Variants in PITX3 observed in about 807,000 individuals in gnomAD.
PITX3 encodes the protein paired like homeodomain 3.
Under a neutral mutation model 14.2 loss-of-function variants are expected in PITX3, and 4 were observed. The observed-to-expected ratio is 0.28, with a 90% CI of 0.14 to 0.65. PITX3 has a LOEUF of 0.65. PITX3 is among the 30% of genes least tolerant of loss of function. PITX3 has a pLI of 0.82. For synonymous variants in PITX3, 194 were observed against 204.5 expected (o/e 0.95, Z 0.44); for missense variants, 358 against 426.8 (o/e 0.84, Z 1.42).
intron 1 of PITX3, among the ~76,000 whole-genome samples, chr10:102,233,287 CTT>C (rs35753815): frequency 1.7e-4 from 23 of 132,182 alleles, no homozygotes; most frequent in South Asian, 1.6e-3. Flanking sequence ...CGACTTCTTT[CTT>C]TTTTTTTTTT....
In PITX3 at chr10:102,230,354, G is replaced by T; in HGVS notation, c.*160C>A. 1.8e-6 allele frequency: 2 copies of T among 1,130,220 alleles called. No homozygotes were observed. Among genetic ancestry groups the T allele is most frequent in the Admixed American group, 2.5e-5 (1 of 39,510 alleles). The allele number at this position is 1,130,220 out of a possible 1,614,324, so 70.0% of individuals were successfully genotyped here. ...GTGTAGGGCCTAGTCCACCCCTCAG[G>T]GCTGGGAGGGGAAGGCCCTCTCCTG... is the stretch of plus-strand genomic sequence containing the variant. On this transcript the variant is annotated 3_prime_UTR_variant, in exon 4 of 4. Coordinates refer to ENST00000370002, the MANE Select transcript of PITX3 (RefSeq NM_005029.4).
intron 1 of PITX3, among the ~76,000 whole-genome samples, chr10:102,236,136 C>T (rs553740022): frequency 6.6e-6 from 1 of 152,262 alleles, no homozygotes; most frequent in Non-Finnish European, 1.5e-5. Context: ...GCTGGTCAGG[C>T]AAAGGCTGGG....
In PITX3 at chr10:102,233,304, CT is replaced by C. The variant is rs35379060; in HGVS notation, c.-12-1213del. 9.1e-3 allele frequency among the ~76,000 whole-genome samples: 983 copies of C among 107,802 alleles called. 8 individuals carry two copies. Among genetic ancestry groups the C allele is most frequent in the African/African-American group, 0.034 (919 of 27,044 alleles). The allele number at this position is 107,802 out of a possible 152,430, so 70.7% of individuals were successfully genotyped here. A position where few individuals can be genotyped will look rare whatever the true frequency, so the allele number is the denominator to read the frequency against. On this transcript the variant is annotated intron_variant, in intron 1 of 3. Coordinates refer to ENST00000370002, the MANE Select transcript of PITX3 (RefSeq NM_005029.4). ...ACTTCTTTCTTTTTTTTTTTTCCTT[CT>C]TTTTTTTTTTTTTTTTGAGATGGAG...
Position 102,230,982 on chromosome 10 carries a change from C to T in PITX3, c.441G>A (p.Val147=), listed in dbSNP as rs1209628568. The change falls in exon 4 of 4, where the codon GTG becomes GTA. Residue 147 remains valine (V), a synonymous_variant. Transcript: ENST00000370002. Reference sequence around the variant, plus strand: ...AGTTGCCGTACGAGTAGCCGGGGTACACCTCCTCGTAGGGCGGCACCAGCC... The same window carrying T: ...AGTTGCCGTACGAGTAGCCGGGGTATACCTCCTCGTAGGGCGGCACCAGCC... ...LGGLVPPYEE[V]YPGYSYGNWP... 4 of 1,606,108 alleles carry T rather than the reference C, an allele frequency of 2.5e-6. No homozygotes were observed. The highest frequency in any genetic ancestry group is 3.4e-6 in the Non-Finnish European group (4 of 1,177,526).
chr10:102,236,258 C>T (rs2070391237), intron 1 of PITX3, among the ~76,000 whole-genome samples: 1 of 152,162 alleles, frequency 6.6e-6, no homozygotes, highest in Non-Finnish European at 1.5e-5. Context: ...GACTTCGCCT[C>T]ACTCAGTGGA....
chr10:102,240,498 C>T (rs565982265), intron 1 of PITX3, among the ~76,000 whole-genome samples: 6 of 152,366 alleles, frequency 3.9e-5, no homozygotes, highest in South Asian at 2.1e-4. Context: ...GGTGACCCAC[C>T]GCAGCCGACC....
At chr10:102,234,427 G>A (rs1340618469) in intron 1 of PITX3, among the ~76,000 whole-genome samples, 1 of 152,192 alleles carries the variant, frequency 6.6e-6, no homozygotes, top group Non-Finnish European at 1.5e-5. Flanking sequence ...CAGGAGAAAA[G>A]TCAGGCCAGA....
chr10:102,239,898 T>C (rs77905718), intron 1 of PITX3, among the ~76,000 whole-genome samples: 1,864 of 152,292 alleles, frequency 0.012, 33 homozygotes, highest in African/African-American at 0.043. Flanking sequence ...AGGGCCAAGA[T>C]ATCCTTCCCA....
At chr10:102,233,897 C>T (rs913891104) in intron 1 of PITX3, among the ~76,000 whole-genome samples, 1 of 152,202 alleles carries the variant, frequency 6.6e-6, no homozygotes, top group African/African-American at 2.4e-5. Context: ...CGCAGGGTCC[C>T]CTTTTCTGCC....
chr10:102,231,060 C>A lies in PITX3; in HGVS notation c.363G>T (p.Glu121Asp). Residue 121 changes from glutamate (E) to aspartate (D), a missense_variant, in exon 4 of 4, where the codon GAG (glutamate) becomes GAT (aspartate). Around this residue, in one of 3 missense-constraint regions of PITX3, gnomAD observed 50 missense variants for 96.7 expected, o/e 0.52. Transcript: ENST00000370002. ...KNRRAKWRKR[E>D]RSQQAELCKG... ...TGCATAGCTCGGCCTGCTGGCTGCG[C>A]TCGCGCTTCCGCCATTTGGCGCGCC... 6.4e-7 allele frequency: 1 copy of A among 1,573,434 alleles called. No homozygotes were observed. Among genetic ancestry groups the A allele is most frequent in the Non-Finnish European group, 8.6e-7 (1 of 1,161,906 alleles).
In PITX3 at chr10:102,231,969, G is replaced by T; in HGVS notation, c.112C>A (p.His38Asn). The T allele has an allele frequency of 6.2e-7, 1 of 1,608,584 alleles. No homozygotes were observed. Among genetic ancestry groups the T allele is most frequent in the Non-Finnish European group, 8.5e-7 (1 of 1,177,766 alleles). ...CGGAAGGGGGCGCGCTTACCGCTGT[G>T]CTCCTGGCCCTTGCAGCCGTGCTCT... The part of the protein sequence containing the change: ...LPEHGCKGQE[H>N]SDSEKASASL... Residue 38 changes from histidine to asparagine, a missense_variant, in exon 2 of 4, where the codon CAC becomes AAC. His to Asn is a moderately conservative substitution (Grantham distance 68). Transcript: ENST00000370002.
intron 1 of PITX3, among the ~76,000 whole-genome samples, chr10:102,236,480 T>A (rs773079263): frequency 6.6e-6 from 1 of 152,104 alleles, no homozygotes; most frequent in African/African-American, 2.4e-5. Flanking sequence ...AGGGTGGCAA[T>A]CCCAGGCCCA....
At chr10:102,237,468 G>A (rs529729868) in intron 1 of PITX3, among the ~76,000 whole-genome samples, 69 of 152,250 alleles carry the variant, frequency 4.5e-4, no homozygotes, top group South Asian at 2.3e-3. Flanking sequence ...TCAAACCGAG[G>A]GGGCCTCCAA....
chr10:102,233,193 C>T (rs1195502737), intron 1 of PITX3, among the ~76,000 whole-genome samples: 5 of 151,962 alleles, frequency 3.3e-5, no homozygotes, highest in South Asian at 2.1e-4. Context: ...TCGAGATTCG[C>T]TCAGGGACTC....
chr10:102,239,845 G>A (rs374602785), intron 1 of PITX3, among the ~76,000 whole-genome samples: 1 of 152,200 alleles, frequency 6.6e-6, no homozygotes, highest in South Asian at 2.1e-4. Context: ...GCAGAGTCAG[G>A]GCTGTATCCC....
chr10:102,233,656 C>T (rs1380472503), intron 1 of PITX3, among the ~76,000 whole-genome samples: 1 of 152,118 alleles, frequency 6.6e-6, no homozygotes, highest in Non-Finnish European at 1.5e-5. Context: ...GTAACAAGAT[C>T]AAACACAAGT....
chr10:102,230,616 G>A lies in PITX3; in HGVS notation c.807C>T (p.Leu269=), dbSNP rs755323739. The change falls in exon 4 of 4, where the codon CTC becomes CTT. Residue 269 remains leucine, a synonymous_variant. Transcript: ENST00000370002. The part of the protein sequence containing the change: ...PCNSSLASLR[L]KAKQHASFSY... ...TGAAGGAGGCGTGCTGTTTGGCTTT[G>A]AGCCGCAGGCTGGCCAGGCTCGAGT... The A allele has an allele frequency of 2.5e-6, 4 of 1,610,116 alleles. No homozygotes were observed. Among genetic ancestry groups the A allele is most frequent in the East Asian group, 4.5e-5 (2 of 44,748 alleles).
intron 1 of PITX3, among the ~76,000 whole-genome samples, chr10:102,233,111 ATTATT>A (rs2070293926): frequency 4.6e-5 from 7 of 151,570 alleles, no homozygotes; most frequent in Admixed American, 4.6e-4. Flanking sequence ...TTCTTTTATT[ATTATT>A]TTATTTTTCT....
intron 1 of PITX3, among the ~76,000 whole-genome samples, chr10:102,234,185 G>C (rs914013844): frequency 1.3e-5 from 2 of 152,178 alleles, no homozygotes; most frequent in African/African-American, 4.8e-5. Context: ...CTTTCTCAGG[G>C]AGGTGCAGAT....
Sources: allele counts gnomAD v4.1 joint callset (sites outside exome capture counted in the v4.1 genomes callset), GRCh38; gene constraint gnomAD v4.1.1; regional missense constraint gnomAD v4.1.1; transcripts MANE v1.5; gene names NCBI Gene and HGNC (gene_info 2026-07-23, HGNC 2026-07-21).